Variants in AFG2A observed in about 807,000 individuals in gnomAD.
AFG2A encodes ATPase family gene 2 protein homolog A.
chr4:123,276,806 A>G, the AFG2A span, among the ~76,000 whole-genome samples: 1 of 151,838 alleles, frequency 6.6e-6, no homozygotes, highest in East Asian at 1.9e-4. Context: ...ATATGGTCTT[A>G]TTTCTGGGTT....
At chr4:123,169,723 C>T in the AFG2A span, among the ~76,000 whole-genome samples, 6 of 152,144 alleles carry the variant, frequency 3.9e-5, no homozygotes, top group East Asian at 1.9e-4. Context: ...TCAAATGATC[C>T]GTCCGCCTCT....
At chr4:123,185,438 G>T in the AFG2A span, among the ~76,000 whole-genome samples, 3 of 152,064 alleles carry the variant, frequency 2.0e-5, no homozygotes, top group Non-Finnish European at 4.4e-5. Flanking sequence ...AACTCTGTGA[G>T]AGTCTAAGTA....
chr4:122,936,953 A>G, the AFG2A span, among the ~76,000 whole-genome samples: 1 of 152,168 alleles, frequency 6.6e-6, no homozygotes, highest in South Asian at 2.1e-4. Context: ...GCACTCCAGC[A>G]TGGGGGACAA....
chr4:123,218,631 A>G, the AFG2A span, among the ~76,000 whole-genome samples: 5 of 137,858 alleles, frequency 3.6e-5, no homozygotes, highest in African/African-American at 1.3e-4. Flanking sequence ...ATAGTTTTAC[A>G]TAAACACATA....
At chr4:123,099,876 T>C in the AFG2A span, among the ~76,000 whole-genome samples, 1 of 151,886 alleles carries the variant, frequency 6.6e-6, no homozygotes, top group South Asian at 2.1e-4. Context: ...GTATGCCCTT[T>C]TTAGTATTTA....
the AFG2A span, among the ~76,000 whole-genome samples, chr4:123,276,709 A>G: frequency 3.3e-5 from 5 of 152,124 alleles, no homozygotes; most frequent in Non-Finnish European, 4.4e-5. Flanking sequence ...TGACTAGCCA[A>G]TTATCCCAGC....
At chr4:123,252,646 C>A in the AFG2A span, among the ~76,000 whole-genome samples, 1 of 152,270 alleles carries the variant, frequency 6.6e-6, no homozygotes, top group African/African-American at 2.4e-5. Flanking sequence ...TCAGTTTACA[C>A]ACAATAATTG....
At chr4:122,945,394 C>G in the AFG2A span, among the ~76,000 whole-genome samples, 1 of 152,210 alleles carries the variant, frequency 6.6e-6, no homozygotes, top group Non-Finnish European at 1.5e-5. Context: ...AGTTTGATCT[C>G]AGACTGCTGT....
At chr4:122,954,380 A>ATTGTC in the AFG2A span, among the ~76,000 whole-genome samples, 2 of 152,176 alleles carry the variant, frequency 1.3e-5, no homozygotes, top group Non-Finnish European at 2.9e-5. Flanking sequence ...GTATGCTACC[A>ATTGTC]TCTTTCAGGC....
the AFG2A span, among the ~76,000 whole-genome samples, chr4:123,128,246 T>C: frequency 1.3e-5 from 2 of 152,214 alleles, no homozygotes; most frequent in African/African-American, 4.8e-5. Flanking sequence ...TAACTTTTCA[T>C]GCGTTTAAGT....
the AFG2A span, among the ~76,000 whole-genome samples, chr4:123,138,243 C>A: frequency 1.2e-3 from 177 of 152,184 alleles, 1 homozygote; most frequent in African/African-American, 4.1e-3. Flanking sequence ...GATTTCATTG[C>A]CCCAGGTAAC....
the AFG2A span, among the ~76,000 whole-genome samples, chr4:123,211,398 A>C: frequency 6.6e-6 from 1 of 152,120 alleles, no homozygotes; most frequent in African/African-American, 2.4e-5. Context: ...AGGCCTTAGA[A>C]GGTGCTAGTA....
the AFG2A span, among the ~76,000 whole-genome samples, chr4:123,024,923 T>C: frequency 6.6e-6 from 1 of 152,076 alleles, no homozygotes; most frequent in Non-Finnish European, 1.5e-5. Context: ...AGTGTGTCTC[T>C]CCCCAGTTTA....
chr4:123,015,363 G>A, the AFG2A span, among the ~76,000 whole-genome samples: 4 of 151,850 alleles, frequency 2.6e-5, no homozygotes, highest in South Asian at 2.1e-4. Flanking sequence ...CTGGGTACTT[G>A]AGATTAGGGA....
the AFG2A span, among the ~76,000 whole-genome samples, chr4:123,105,055 A>G: frequency 2.0e-5 from 3 of 152,240 alleles, no homozygotes; most frequent in Admixed American, 6.5e-5. Flanking sequence ...GGACTTTCAT[A>G]GCTAGAGAAG....
chr4:123,095,643 C>G, the AFG2A span, among the ~76,000 whole-genome samples: 1 of 151,616 alleles, frequency 6.6e-6, no homozygotes, highest in East Asian at 1.9e-4. Flanking sequence ...CTGGAAGAAA[C>G]TGTAGTAGGA....
At chr4:122,924,171 G>A in the AFG2A span, among the ~76,000 whole-genome samples, 1 of 152,164 alleles carries the variant, frequency 6.6e-6, no homozygotes, top group South Asian at 2.1e-4. Context: ...TGTCCTGAAG[G>A]TTCAACTTGT....
the AFG2A span, among the ~76,000 whole-genome samples, chr4:123,079,745 C>CTTTTTTTTT: frequency 4.1e-4 from 30 of 72,656 alleles, no homozygotes; most frequent in Middle Eastern, 0.016. Context: ...TCTTTTCCTT[C>CTTTTTTTTT]TTTTTTTTTT....
chr4:123,061,308 T>C, the AFG2A span, among the ~76,000 whole-genome samples: 2 of 152,212 alleles, frequency 1.3e-5, no homozygotes, highest in Admixed American at 1.3e-4. Context: ...CACTCTACCG[T>C]TACCAGTTTA....
Sources: gnomAD v4.1 joint callset for allele counts (sites outside exome capture counted in the v4.1 genomes callset) on GRCh38, gnomAD v4.1.1 for gene constraint, MANE v1.5 for transcripts, NCBI Gene and HGNC (gene_info 2026-07-23, HGNC 2026-07-21) for gene names.